The following PAX2 variants were observed in gnomAD, a reference collection of about 807,000 sequenced individuals.
PAX2 encodes paired box 2.
In PAX2, 9 loss-of-function variants were observed where a neutral mutation model predicts 41.7. The observed-to-expected ratio is 0.22, with a 90% CI of 0.13 to 0.38. The LOEUF (loss-of-function observed/expected upper bound fraction) is 0.38, where lower values mean the gene tolerates loss of function less well. Among genes scored for constraint, PAX2 ranks in the 10% least tolerant of loss-of-function variants. The pLI is 1.00. For synonymous variants in PAX2, 221 were observed against 212.7 expected (o/e 1.04, Z -0.34); for missense variants, 418 against 531.6 (o/e 0.79, Z 2.10).
Position 100,809,188 on chromosome 10 carries a change from G to C in PAX2, c.871G>C (p.Glu291Gln). 1 of 1,614,014 alleles carries C rather than the reference G, an allele frequency of 6.2e-7. No individual in the cohort carries two copies. ...GAGTCTATCTGCATCCACCAACCCTGAGCTGGGCAGCAACGTGTCAGGCAC... is the reference window on the plus strand; with the variant it reads ...GAGTCTATCTGCATCCACCAACCCTCAGCTGGGCAGCAACGTGTCAGGCAC... ...KSSLSASTNP[E>Q]LGSNVSGTQT... The change falls in exon 7 of 10, where the codon GAG (glutamate) becomes CAG (glutamine). Residue 291 changes from glutamate (E) to glutamine (Q), a missense_variant. Physicochemically the swap from Glu to Gln is conservative, Grantham distance 29. Transcript: ENST00000355243.
At position 100,805,426 on chromosome 10, in the gene PAX2, G is replaced by T. The variant is rs182945903; in HGVS notation, c.617-1004G>T. 4.9e-3 allele frequency among the ~76,000 whole-genome samples: 749 copies of T among 152,216 alleles called. 6 individuals are homozygous for T. Among genetic ancestry groups the T allele is most frequent in the African/African-American group, 0.017 (702 of 41,530 alleles). ...GAGTGACCAAGCTGGTATGGGGTTT[G>T]GGGGGGAAACCCCACTTTGGGGGGC... On this transcript the variant is annotated intron_variant, in intron 5 of 9. Transcript: ENST00000355243.
chr10:100,802,015 G>T (rs1013236803), intron 5 of PAX2, among the ~76,000 whole-genome samples: 2 of 152,220 alleles, frequency 1.3e-5, no homozygotes, highest in Non-Finnish European at 2.9e-5. Flanking sequence ...GGCATGTAAT[G>T]AGTTCTTGAT....
At chr10:100,817,716 T>C (rs1427109181) in intron 7 of PAX2, among the ~76,000 whole-genome samples, 1 of 152,034 alleles carries the variant, frequency 6.6e-6, no homozygotes, top group African/African-American at 2.4e-5. Context: ...AGGTGGGGTA[T>C]GGGGCTGAGG....
At chr10:100,819,258 A>AG (rs1442534780) in intron 7 of PAX2, among the ~76,000 whole-genome samples, 143 of 147,536 alleles carry the variant, frequency 9.7e-4, no homozygotes, top group African/African-American at 2.0e-3. Context: ...AAAAAAAAAA[A>AG]AGGGGGGGGA....
At position 100,827,017 on chromosome 10, in the gene PAX2, T is replaced by C; in HGVS notation, c.1030T>C (p.Phe344Leu). The C allele has an allele frequency of 1.2e-6, 2 of 1,611,778 alleles. No individual in the cohort carries two copies. The highest frequency in any genetic ancestry group is 1.7e-6 in the Non-Finnish European group (2 of 1,178,856). Residue 344 changes from phenylalanine (F) to leucine (L), a missense_variant, in exon 9 of 10, where the codon TTC (phenylalanine) becomes CTC (leucine). Transcript: ENST00000355243. This position sits in a 1 kb window ranked among gnomAD's most constrained non-coding sequence, Gnocchi z 8.5. ...TLAGMVPGSE[F>L]SGNPYSHPQY... ...CCCCGACCCTCCCGCAGGGAGCGAG[T>C]TCTCCGGCAACCCGTACAGCCACCC...
chr10:100,815,558 G>T (rs947522132), intron 7 of PAX2, among the ~76,000 whole-genome samples: 2 of 152,162 alleles, frequency 1.3e-5, no homozygotes, highest in African/African-American at 4.8e-5. Flanking sequence ...AGGACCTCCA[G>T]CCCCCAACCT....
Position 100,791,656 on chromosome 10 carries a change from C to T in PAX2, c.616+10291C>T, listed in dbSNP as rs1231432907. Among the ~76,000 whole-genome samples, 2 of 152,204 alleles carry T rather than the reference C, an allele frequency of 1.3e-5. No individual in the cohort carries two copies. Among genetic ancestry groups the T allele is most frequent in the Non-Finnish European group, 1.5e-5 (1 of 68,034 alleles). On this transcript the variant is annotated intron_variant, in intron 5 of 9. Transcript: ENST00000355243. This position sits in a 1 kb window ranked among gnomAD's most constrained non-coding sequence, Gnocchi z 4.5. ...AGAGATGCGCGGACACACTCACACA[C>T]CCTTGCTGGCTCACACAGATCTCCC...
rs993581503 is a variant in PAX2 at position 100,745,758 on chromosome 10, A to G, written c.-503A>G. 3 of 1,024,832 alleles carry G rather than the reference A, an allele frequency of 2.9e-6. No homozygotes were observed. In the African/African-American group the frequency reaches 5.1e-5, roughly 18 times the overall value. The allele number at this position is 1,024,832 out of a possible 1,614,324, so 63.5% of individuals were successfully genotyped here. A position where few individuals can be genotyped will look rare whatever the true frequency, so the allele number is the denominator to read the frequency against. On this transcript the variant is annotated 5_prime_UTR_variant, in exon 1 of 10. Coordinates refer to ENST00000355243, the MANE Select transcript of PAX2 (RefSeq NM_000278.5). ...CCCTCCCGCAGGCGCCACCTCGGAC[A>G]TCCCCGGGATTGCTACTTCTCTGCC...
At chr10:100,790,951 G>A (rs1847092354) in intron 5 of PAX2, among the ~76,000 whole-genome samples, 1 of 152,228 alleles carries the variant, frequency 6.6e-6, no homozygotes, top group Non-Finnish European at 1.5e-5. Context: ...CCGAGTTGCA[G>A]CGGAGCCAGT....
chr10:100,806,340 C>G, intron 5 of PAX2, 90 bp from the exon 6 acceptor site: 1 of 1,388,418 alleles, frequency 7.2e-7, no homozygotes, highest in Non-Finnish European at 1.0e-6. Context: ...CTCCTGGGCC[C>G]GGAACCAGAT....
chr10:100,796,123 C>G (rs1207010038), intron 5 of PAX2, among the ~76,000 whole-genome samples: 2 of 152,132 alleles, frequency 1.3e-5, no homozygotes, highest in Non-Finnish European at 2.9e-5. Flanking sequence ...AAAGTGACTT[C>G]TATGATCCTA....
At chr10:100,775,363 A>T (rs1846351460) in intron 3 of PAX2, among the ~76,000 whole-genome samples, 1 of 152,208 alleles carries the variant, frequency 6.6e-6, no homozygotes, top group Admixed American at 6.5e-5. Flanking sequence ...GGGAGACAGG[A>T]GGACAATGGA....
chr10:100,819,260 G>C lies in PAX2; in HGVS notation c.920-5388G>C, dbSNP rs567243434. On this transcript the variant is annotated intron_variant, in intron 7 of 9. Coordinates refer to ENST00000355243, the MANE Select transcript of PAX2 (RefSeq NM_000278.5). ...AAGACTCTGTCTCAAAAAAAAAAAA[G>C]GGGGGGGAGTTTAAAAACATATCAA... Among the ~76,000 whole-genome samples, 12 of 141,430 alleles carry C rather than the reference G, an allele frequency of 8.5e-5. No individual in the cohort carries two copies. The South Asian group carries it at 1.6e-3, about 19-fold the overall frequency. The allele number at this position is 141,430 out of a possible 152,430, so 92.8% of individuals were successfully genotyped here. A position where few individuals can be genotyped will look rare whatever the true frequency, so the allele number is the denominator to read the frequency against.
Position 100,745,964 on chromosome 10 carries a change from G to C in PAX2, c.-297G>C. The C allele has an allele frequency of 7.7e-7, 1 of 1,294,812 alleles. No individual in the cohort carries two copies. The highest frequency in any genetic ancestry group is 9.8e-7 in the Non-Finnish European group (1 of 1,022,928). 80.2% of individuals were successfully genotyped at this position (1,294,812 alleles called of 1,614,324 possible). On this transcript the variant is annotated 5_prime_UTR_variant, in exon 1 of 10. Transcript: ENST00000355243. ...GCTGCAGCTGCAGCGCGAGCCATGCGCCCCCAGTGCACCCCGGCCCGGCCC... is the reference window on the plus strand; with the variant it reads ...GCTGCAGCTGCAGCGCGAGCCATGCCCCCCCAGTGCACCCCGGCCCGGCCC...
intron 3 of PAX2, among the ~76,000 whole-genome samples, chr10:100,771,720 G>A (rs1846216501): frequency 1.3e-5 from 2 of 152,142 alleles, no homozygotes; most frequent in Non-Finnish European, 2.9e-5. Context: ...ATGGATACGT[G>A]CCTGATATAG....
chr10:100,758,913 T>C (rs1845738166), intron 3 of PAX2, among the ~76,000 whole-genome samples: 1 of 152,028 alleles, frequency 6.6e-6, no homozygotes, highest in Non-Finnish European at 1.5e-5. Flanking sequence ...GGAGGAGAGA[T>C]TATGACTCCC....
intron 7 of PAX2, among the ~76,000 whole-genome samples, chr10:100,823,273 A>G (rs1294981795): frequency 1.3e-5 from 2 of 152,220 alleles, no homozygotes; most frequent in African/African-American, 2.4e-5. Context: ...GTTTGAGGTA[A>G]CAGAGGGACA....
chr10:100,759,324 C>T (rs918069615), intron 3 of PAX2, among the ~76,000 whole-genome samples: 1 of 152,172 alleles, frequency 6.6e-6, no homozygotes, highest in Non-Finnish European at 1.5e-5. Flanking sequence ...GGAGGAATAG[C>T]GGCCTGGCTG....
intron 7 of PAX2, among the ~76,000 whole-genome samples, chr10:100,812,166 C>T (rs542941849): frequency 1.3e-5 from 2 of 152,246 alleles, no homozygotes; most frequent in African/African-American, 4.8e-5. Flanking sequence ...CACCTTCCAT[C>T]AGGGAACCGA....
Sources: allele counts gnomAD v4.1 joint callset (sites outside exome capture counted in the v4.1 genomes callset), GRCh38; gene constraint gnomAD v4.1.1; non-coding constraint Gnocchi (gnomAD v3.1); transcripts MANE v1.5; gene names NCBI Gene and HGNC (gene_info 2026-07-23, HGNC 2026-07-21).